The following STPG2 variants were observed in gnomAD, a reference collection of about 807,000 sequenced individuals.
STPG2 encodes the protein sperm tail PG-rich repeat containing 2.
Under a neutral mutation model 54.2 loss-of-function variants are expected in STPG2, and 56 were observed. That is an observed-to-expected ratio of 1.03 (90% CI 0.83 to 1.29). The LOEUF (loss-of-function observed/expected upper bound fraction) is 1.29. Ranked by LOEUF, STPG2 falls within the 50% of genes most tolerant of loss-of-function variation. STPG2 has a pLI of 0.00. For synonymous variants in STPG2, 200 were observed against 181.8 expected (o/e 1.10, Z -0.81); for missense variants, 596 against 544.9 (o/e 1.09, Z -0.93).
At chr4:97,938,906 G>T (rs1331959522) in intron 8 of STPG2, among the ~76,000 whole-genome samples, 1 of 151,908 alleles carries the variant, frequency 6.6e-6, no homozygotes. Flanking sequence ...AGGCCATCTT[G>T]GGTCTGCCCC....
intron 4 of STPG2, among the ~76,000 whole-genome samples, chr4:97,500,730 A>T (rs927903121): frequency 3.3e-5 from 5 of 152,028 alleles, no homozygotes; most frequent in Non-Finnish European, 5.9e-5. Flanking sequence ...AAATATTGCT[A>T]ATTAATAATC....
chr4:98,086,452 T>C (rs1738515204), intron 5 of STPG2, among the ~76,000 whole-genome samples: 1 of 151,940 alleles, frequency 6.6e-6, no homozygotes, highest in Admixed American at 6.6e-5. Context: ...TATATATAAA[T>C]GTACATATAA....
At chr4:97,874,343 A>AT (rs113467851) in intron 8 of STPG2, among the ~76,000 whole-genome samples, 6 of 151,148 alleles carry the variant, frequency 4.0e-5, no homozygotes, top group Non-Finnish European at 7.4e-5. Context: ...CTCCCAAGTA[A>AT]TTTTTTTTGC....
chr4:97,784,073 A>G (rs1338861614), intron 9 of STPG2, among the ~76,000 whole-genome samples: 3 of 151,748 alleles, frequency 2.0e-5, no homozygotes, highest in African/African-American at 7.2e-5. Context: ...ATAATTAAAA[A>G]AAAAAAAAGA....
chr4:98,071,110 G>T (rs1737988628), intron 5 of STPG2, among the ~76,000 whole-genome samples: 2 of 151,728 alleles, frequency 1.3e-5, no homozygotes, highest in African/African-American at 4.8e-5. Context: ...AATAGCCAAA[G>T]AAATTCTAAG....
chr4:97,850,513 C>T (rs1397415408), intron 8 of STPG2, among the ~76,000 whole-genome samples: 2 of 151,138 alleles, frequency 1.3e-5, no homozygotes, highest in African/African-American at 4.9e-5. Context: ...ATTATCTATA[C>T]TTTATAAATT....
intron 4 of STPG2, among the ~76,000 whole-genome samples, chr4:97,472,922 A>C (rs187295041): frequency 1.3e-4 from 20 of 152,362 alleles, no homozygotes; most frequent in Admixed American, 5.9e-4. Context: ...TTAGTTCTCC[A>C]AATTAATACT....
At chr4:97,800,649 A>AG (rs1437650375) in intron 9 of STPG2, among the ~76,000 whole-genome samples, 1 of 152,164 alleles carries the variant, frequency 6.6e-6, no homozygotes, top group African/African-American at 2.4e-5. Flanking sequence ...TTGAGGAGGC[A>AG]GTCTGTCCAT....
intron 10 of STPG2, among the ~76,000 whole-genome samples, chr4:97,631,536 C>A (rs1294550858): frequency 6.6e-6 from 1 of 152,070 alleles, no homozygotes; most frequent in Non-Finnish European, 1.5e-5. Flanking sequence ...TTTAGATAAT[C>A]ATCAGGTTAG....
At chr4:97,967,868 A>C (rs965311568) in intron 7 of STPG2, among the ~76,000 whole-genome samples, 1 of 152,230 alleles carries the variant, frequency 6.6e-6, no homozygotes, top group South Asian at 2.1e-4. Flanking sequence ...CAGGGTGTAG[A>C]GGGAAATTTA....
chr4:98,054,408 A>T (rs1434378008), intron 5 of STPG2, among the ~76,000 whole-genome samples: 1 of 152,184 alleles, frequency 6.6e-6, no homozygotes, highest in Non-Finnish European at 1.5e-5. Context: ...AATGTGAGGA[A>T]AAATAACCTT....
intron 8 of STPG2, among the ~76,000 whole-genome samples, chr4:97,894,414 CT>C (rs1730885007): frequency 6.6e-6 from 1 of 151,924 alleles, no homozygotes; most frequent in Non-Finnish European, 1.5e-5. Context: ...ACAAAAGCAA[CT>C]GCTTCTGCCT....
At chr4:97,738,356 T>C (rs1367623933) in intron 9 of STPG2, among the ~76,000 whole-genome samples, 1 of 152,040 alleles carries the variant, frequency 6.6e-6, no homozygotes, top group Non-Finnish European at 1.5e-5. Flanking sequence ...AATTCACACA[T>C]AACAATATTA....
chr4:97,789,686 T>C (rs986025841), intron 9 of STPG2, among the ~76,000 whole-genome samples: 1 of 152,180 alleles, frequency 6.6e-6, no homozygotes, highest in Admixed American at 6.6e-5. Flanking sequence ...TAAGACTGAC[T>C]GAATGAAAAC....
chr4:97,839,415 A>T (rs1056048094), intron 9 of STPG2, among the ~76,000 whole-genome samples: 1 of 151,672 alleles, frequency 6.6e-6, no homozygotes, highest in Non-Finnish European at 1.5e-5. Context: ...TTTTATGCAG[A>T]GGAGAGTAAA....
chr4:98,040,208 T>C (rs1736906772), intron 5 of STPG2, among the ~76,000 whole-genome samples: 1 of 151,958 alleles, frequency 6.6e-6, no homozygotes, highest in Non-Finnish European at 1.5e-5. Flanking sequence ...TACTTGTAGA[T>C]TATGGATATT....
intron 4 of STPG2, among the ~76,000 whole-genome samples, chr4:97,520,491 C>T (rs1219679593): frequency 1.3e-5 from 2 of 152,020 alleles, no homozygotes; most frequent in Non-Finnish European, 2.9e-5. Flanking sequence ...ACCTTTGGAT[C>T]CTCTTATGAG....
At chr4:97,542,811 TC>T (rs1486794851) in intron 4 of STPG2, among the ~76,000 whole-genome samples, 1 of 152,128 alleles carries the variant, frequency 6.6e-6, no homozygotes, top group African/African-American at 2.4e-5. Context: ...TGAGTTCATG[TC>T]CTTTGTAGGG....
chr4:97,637,753 A>G lies in STPG2; in HGVS notation c.1320+74946T>C, dbSNP rs538139702. ...GAACTCCCATTCACAATTGCTTCAA[A>G]GAGAATAAAATACCTAGGAATCCAA... On this transcript the variant is annotated intron_variant, in intron 10 of 10. Coordinates refer to ENST00000295268, the MANE Select transcript of STPG2 (RefSeq NM_174952.3). Among the ~76,000 whole-genome samples, 628 of 152,204 alleles carry G rather than the reference A, an allele frequency of 4.1e-3. 3 individuals carry two copies. Among genetic ancestry groups the G allele is most frequent in the South Asian group, 0.02 (98 of 4,822 alleles).
Sources: gnomAD v4.1 joint callset for allele counts (sites outside exome capture counted in the v4.1 genomes callset) on GRCh38, gnomAD v4.1.1 for gene constraint, MANE v1.5 for transcripts, NCBI Gene and HGNC (gene_info 2026-07-23, HGNC 2026-07-21) for gene names.